HCN1: variants seen among roughly 807,000 people sequenced by gnomAD.
HCN1 encodes hyperpolarization activated cyclic nucleotide gated potassium channel 1.
HCN1 carries 13 observed loss-of-function variants against 78.9 expected under a neutral mutation model. That is an observed-to-expected ratio of 0.16 (90% CI 0.11 to 0.26). The LOEUF is 0.26. Among genes scored for constraint, HCN1 ranks in the 10% least tolerant of loss-of-function variants. HCN1 has a pLI of 1.00. For missense variants in HCN1, 810 were observed against 1,154.3 expected (o/e 0.70, Z 4.32); for synonymous variants, 552 against 455.5 (o/e 1.21, Z -2.70).
At position 45,286,155 on chromosome 5, in the gene HCN1, C is replaced by T. The variant is rs749944742; in HGVS notation, c.1618+17444G>A. On this transcript the variant is annotated intron_variant, in intron 6 of 7. Coordinates refer to ENST00000303230, the MANE Select transcript of HCN1 (RefSeq NM_021072.4). ...ATGGGAGTATTATTTTGTGTCTTCT[C>T]TCAGTGGCAAATCGATAATGATAAT... Among the ~76,000 whole-genome samples, 164 of 151,850 alleles carry T rather than the reference C, an allele frequency of 1.1e-3. 1 individual carries two copies. The highest frequency in any genetic ancestry group is 4.1e-4 in the Non-Finnish European group (28 of 67,894).
chr5:45,297,140 T>C (rs182473133), intron 6 of HCN1, among the ~76,000 whole-genome samples: 198 of 152,184 alleles, frequency 1.3e-3, no homozygotes, highest in African/African-American at 4.7e-3. Context: ...TTTCTATAGA[T>C]ATTAAATTAA....
intron 2 of HCN1, among the ~76,000 whole-genome samples, chr5:45,628,985 T>C (rs199772907): frequency 8.5e-6 from 1 of 117,716 alleles, no homozygotes; most frequent in Non-Finnish European, 1.9e-5. Flanking sequence ...AAATAAAAAA[T>C]AAAAAAAAAA....
At chr5:45,301,944 T>C (rs1269574042) in intron 6 of HCN1, among the ~76,000 whole-genome samples, 1 of 151,876 alleles carries the variant, frequency 6.6e-6, no homozygotes, top group African/African-American at 2.4e-5. Flanking sequence ...ATCTGGAACA[T>C]TCCTATAAAT....
chr5:45,583,119 C>G (rs1469559967), intron 2 of HCN1, among the ~76,000 whole-genome samples: 1 of 151,962 alleles, frequency 6.6e-6, no homozygotes, highest in East Asian at 1.9e-4. Flanking sequence ...CCTCCTTGTA[C>G]CTCTGGTAGA....
intron 2 of HCN1, among the ~76,000 whole-genome samples, chr5:45,593,943 T>C (rs1744437049): frequency 6.6e-6 from 1 of 152,244 alleles, no homozygotes; most frequent in South Asian, 2.1e-4. Flanking sequence ...CCCAAAGTGC[T>C]GGGATTACAG....
At chr5:45,572,241 C>A (rs1185410237) in intron 2 of HCN1, among the ~76,000 whole-genome samples, 1 of 152,146 alleles carries the variant, frequency 6.6e-6, no homozygotes, top group East Asian at 1.9e-4. Flanking sequence ...TTAAATCAGA[C>A]CTTAACCCTG....
intron 2 of HCN1, among the ~76,000 whole-genome samples, chr5:45,515,339 A>G (rs1742496841): frequency 6.6e-6 from 1 of 152,026 alleles, no homozygotes. Flanking sequence ...TAAAAAACTT[A>G]GCGTTTTTAC....
At chr5:45,583,373 C>T (rs996239158) in intron 2 of HCN1, among the ~76,000 whole-genome samples, 3 of 152,116 alleles carry the variant, frequency 2.0e-5, no homozygotes, top group Non-Finnish European at 4.4e-5. Flanking sequence ...GCGGTGACAT[C>T]CCCTTTATCA....
intron 6 of HCN1, among the ~76,000 whole-genome samples, chr5:45,269,544 A>G (rs751762357): frequency 6.6e-6 from 1 of 152,102 alleles, no homozygotes; most frequent in Non-Finnish European, 1.5e-5. Flanking sequence ...AGAATTTGTT[A>G]ATTTAAAGTT....
At chr5:45,374,817 T>C (rs867725631) in intron 4 of HCN1, among the ~76,000 whole-genome samples, 1 of 147,706 alleles carries the variant, frequency 6.8e-6, no homozygotes, top group Non-Finnish European at 1.5e-5. Flanking sequence ...ACCATATATA[T>C]GTAGATAGAT....
chr5:45,363,775 C>G (rs1162435635), intron 4 of HCN1, among the ~76,000 whole-genome samples: 1 of 151,942 alleles, frequency 6.6e-6, no homozygotes, highest in Non-Finnish European at 1.5e-5. Context: ...TTGCTTCCTC[C>G]TCATTTTCTT....
intron 6 of HCN1, among the ~76,000 whole-genome samples, chr5:45,292,807 C>T (rs1326492499): frequency 1.3e-5 from 2 of 152,014 alleles, no homozygotes; most frequent in East Asian, 3.9e-4. Flanking sequence ...TCCATTCATC[C>T]ATCATTCTTC....
rs192725415 is a variant in HCN1, at chr5:45,614,184, G to T, written c.849+31001C>A. Among the ~76,000 whole-genome samples, 35 of 152,148 alleles carry T rather than the reference G, an allele frequency of 2.3e-4. 1 individual carries two copies. The East Asian group carries it at 6.2e-3, about 27-fold the overall frequency. On this transcript the variant is annotated intron_variant, in intron 2 of 7. Coordinates refer to ENST00000303230, the MANE Select transcript of HCN1 (RefSeq NM_021072.4). ...TAACCCAGACTGCTATTTTCCAAAA[G>T]TTCCTCCCTCAATATCTTATCTTGC...
At chr5:45,434,699 T>A (rs1354306296) in intron 3 of HCN1, among the ~76,000 whole-genome samples, 1 of 152,188 alleles carries the variant, frequency 6.6e-6, no homozygotes, top group Non-Finnish European at 1.5e-5. Flanking sequence ...ATTATATTGG[T>A]AATAGCTAAT....
chr5:45,620,712 T>C (rs1745043978), intron 2 of HCN1, among the ~76,000 whole-genome samples: 1 of 152,094 alleles, frequency 6.6e-6, no homozygotes, highest in South Asian at 2.1e-4. Context: ...CTCCACTTCA[T>C]GTTTGAGCAA....
chr5:45,536,182 C>T (rs994153865), intron 2 of HCN1, among the ~76,000 whole-genome samples: 1 of 152,016 alleles, frequency 6.6e-6, no homozygotes, highest in African/African-American at 2.4e-5. Flanking sequence ...GGTTTTCTTC[C>T]TTTGCATTTA....
chr5:45,273,809 TG>T (rs1396123780), intron 6 of HCN1, among the ~76,000 whole-genome samples: 3 of 152,002 alleles, frequency 2.0e-5, no homozygotes, highest in Non-Finnish European at 4.4e-5. Context: ...GCTTTCTTTT[TG>T]TCTTTGTAGA....
intron 1 of HCN1, among the ~76,000 whole-genome samples, chr5:45,655,581 T>A (rs1745748164): frequency 6.6e-6 from 1 of 152,154 alleles, no homozygotes; most frequent in South Asian, 2.1e-4. Flanking sequence ...TCTGAGCAGG[T>A]GGTTTACACA....
chr5:45,635,546 G>A (rs1015555689), intron 2 of HCN1, among the ~76,000 whole-genome samples: 2 of 151,918 alleles, frequency 1.3e-5, no homozygotes, highest in East Asian at 1.9e-4. Flanking sequence ...CTTACTCAAC[G>A]TCTACTTTCA....
Sources: allele counts gnomAD v4.1 joint callset (sites outside exome capture counted in the v4.1 genomes callset), GRCh38; gene constraint gnomAD v4.1.1; transcripts MANE v1.5; gene names NCBI Gene and HGNC (gene_info 2026-07-23, HGNC 2026-07-21).